The following ADCY9 variants were observed in gnomAD, a reference collection of about 807,000 sequenced individuals.
The protein encoded by ADCY9 is adenylate cyclase type 9.
In ADCY9, 50 loss-of-function variants were observed where a neutral mutation model predicts 101.5. That is an observed-to-expected ratio of 0.49 (90% CI 0.39 to 0.62). The LOEUF is 0.62. Ranked by LOEUF, ADCY9 falls within the 20% of genes least tolerant of loss-of-function variation. The pLI is 0.00. For synonymous variants in ADCY9, 905 were observed against 769.3 expected, an observed-to-expected ratio of 1.18 and a Z score of -2.92; for missense variants, 1,662 against 1,800.4, an observed-to-expected ratio of 0.92 and a Z score of 1.39.
downstream of ADCY9, among the ~76,000 whole-genome samples, chr16:3,958,124 C>A (rs1567408806): frequency 6.6e-6 from 1 of 152,162 alleles, no homozygotes; most frequent in Non-Finnish European, 1.5e-5. Flanking sequence ...GCAGCGGGGG[C>A]TCTGCGGGAG....
chr16:4,010,901 G>C (rs961773737), intron 2 of ADCY9, among the ~76,000 whole-genome samples: 1 of 151,984 alleles, frequency 6.6e-6, no homozygotes, highest in East Asian at 1.9e-4. Flanking sequence ...GGGCTCTCTC[G>C]CTTGCCCTCC....
rs370863551 is a variant in ADCY9 at position 3,965,979 on chromosome 16, C to T, written c.3858G>A (p.Gln1286=). ...DEIANLVPSV[Q]YVDKTSLGSD... ...AACCCAGAGATGTCTTGTCCACATA[C>T]TGGACAGAAGGCACCAGGTTGGCAA... The change falls in exon 11 of 11, where the codon CAG becomes CAA. Residue 1286 remains glutamine (Q), a synonymous_variant. Coordinates refer to ENST00000294016, the MANE Select transcript of ADCY9 (RefSeq NM_001116.4). 9.1e-5 allele frequency: 147 copies of T among 1,614,100 alleles called. No homozygotes were observed. The highest frequency in any genetic ancestry group is 3.3e-4 in the East Asian group (15 of 44,882).
chr16:4,076,649 TCGCTAGAAGATAGACG>T (rs1427940450), intron 2 of ADCY9, among the ~76,000 whole-genome samples: 1 of 135,004 alleles, frequency 7.4e-6, no homozygotes, highest in Non-Finnish European at 1.7e-5. Context: ...GCATCTGTGA[TCGCTAGAAGATAGACG>T]CACTGACAAA....
intron 2 of ADCY9, among the ~76,000 whole-genome samples, chr16:4,010,129 G>C (rs2141723605): frequency 6.6e-6 from 1 of 152,288 alleles, no homozygotes; most frequent in South Asian, 2.1e-4. Context: ...GTTGGCTCAG[G>C]GTGCCCCTGC....
intron 5 of ADCY9, among the ~76,000 whole-genome samples, chr16:3,989,381 G>GGT (rs1361666703): frequency 2.0e-5 from 3 of 147,872 alleles, no homozygotes; most frequent in African/African-American, 7.5e-5. Context: ...GTTTTTTGGG[G>GGT]TTTTTTTTTT....
intron 2 of ADCY9, among the ~76,000 whole-genome samples, chr16:4,056,789 T>C (rs1250658925): frequency 1.3e-5 from 2 of 152,158 alleles, no homozygotes; most frequent in African/African-American, 2.4e-5. Context: ...TAATTCGGCA[T>C]GACGATGGAG....
rs1567419574 is a variant in ADCY9, at chr16:3,979,142, T to A, written c.2653A>T (p.Thr885Ser). 6 of 1,613,778 alleles carry A rather than the reference T, an allele frequency of 3.7e-6. No individual in the cohort carries two copies. The highest frequency in any genetic ancestry group is 5.1e-6 in the Non-Finnish European group (6 of 1,179,964). Residue 885 changes from threonine (T) to serine (S), a missense_variant, in exon 8 of 11, where the codon ACC becomes TCC. Physicochemically the swap from Thr to Ser is moderately conservative, Grantham distance 58. Coordinates refer to ENST00000294016, the MANE Select transcript of ADCY9 (RefSeq NM_001116.4). Reference protein sequence around the residue: ...LPALAVYSHVTSEYETNIHFP... With the variant: ...LPALAVYSHVSSEYETNIHFP... ...TGTATGTTGGTCTCATATTCGGAGG[T>A]GACATGGGAGTAGACGGCCAGTGCG...
In ADCY9 at chr16:3,966,004, A is replaced by AT. The variant is rs764173075; in HGVS notation, c.3832dup (p.Ile1278AsnfsTer19). 6.2e-7 allele frequency: 1 copy of AT among 1,614,126 alleles called. No individual in the cohort carries two copies. Among genetic ancestry groups the AT allele is most frequent in the East Asian group, 2.2e-5 (1 of 44,862 alleles). ...CTGGACAGAAGGCACCAGGTTGGCAATCTCGTCTGTGGGAGACCGTCCGAT... is the reference window on the plus strand; with the variant it reads ...CTGGACAGAAGGCACCAGGTTGGCAATTCTCGTCTGTGGGAGACCGTCCGAT... On this transcript the variant is annotated frameshift_variant, in exon 11 of 11. Transcript: ENST00000294016. LOFTEE classifies it low-confidence loss of function (END_TRUNC).
chr16:4,100,747 A>AG (rs1185935134), intron 2 of ADCY9, among the ~76,000 whole-genome samples: 1 of 151,310 alleles, frequency 6.6e-6, no homozygotes, highest in East Asian at 1.9e-4. Flanking sequence ...TTGTCTCAAA[A>AG]AAAAAAAAAA....
chr16:4,000,600 C>G lies in ADCY9; in HGVS notation c.1884+6768G>C, dbSNP rs761530473. Among the ~76,000 whole-genome samples the G allele has an allele frequency of 3.9e-5, 6 of 152,144 alleles. No individual in the cohort carries two copies. The South Asian group carries it at 6.2e-4, about 16-fold the overall frequency. ...ACATCCCCAAAGCAGTAAGAACAGA[C>G]AGCAGATGGCCTGAGAATACTAGAC... On this transcript the variant is annotated intron_variant, in intron 3 of 10. Transcript: ENST00000294016.
intron 2 of ADCY9, among the ~76,000 whole-genome samples, chr16:4,031,772 G>T (rs973018610): frequency 6.6e-6 from 1 of 151,910 alleles, no homozygotes; most frequent in African/African-American, 2.4e-5. Flanking sequence ...AGTTCCTCAG[G>T]GGGCAGAGGT....
chr16:4,035,234 C>T (rs1311994746), intron 2 of ADCY9, among the ~76,000 whole-genome samples: 1 of 152,158 alleles, frequency 6.6e-6, no homozygotes, highest in Non-Finnish European at 1.5e-5. Flanking sequence ...CCTTTGCTAC[C>T]ACAACAGCCC....
intron 2 of ADCY9, among the ~76,000 whole-genome samples, chr16:4,067,452 C>T (rs1233313114): frequency 6.6e-6 from 1 of 152,158 alleles, no homozygotes; most frequent in African/African-American, 2.4e-5. Context: ...ATTAGACACA[C>T]CACAACTCCA....
intron 2 of ADCY9, among the ~76,000 whole-genome samples, chr16:4,107,182 G>A (rs1334994119): frequency 6.6e-6 from 1 of 152,200 alleles, no homozygotes; most frequent in Non-Finnish European, 1.5e-5. Context: ...GAGGGGAACT[G>A]TGTGCCTCAT....
At position 4,114,147 on chromosome 16, in the gene ADCY9, C is replaced by T. The variant is rs1243809079; in HGVS notation, c.1296G>A (p.Glu432=). Residue 432 remains glutamate (E), a synonymous_variant, in exon 2 of 11, where the codon GAG becomes GAA. Coordinates refer to ENST00000294016, the MANE Select transcript of ADCY9 (RefSeq NM_001116.4). The surrounding 1 kb of genome is among the most constrained non-coding windows in gnomAD (Gnocchi z 4.3). The stretch of plus-strand genomic sequence containing the variant: ...GGGTGCTGATTTTCTCACACTTGGT[C>T]TCCTCACACAGGCGGTCGAAGCGAC... The part of the protein sequence containing the change: ...LFGRFDRLCE[E]TKCEKISTLG... The T allele has an allele frequency of 6.2e-7, 1 of 1,613,888 alleles. No individual in the cohort carries two copies. The highest frequency in any genetic ancestry group is 1.7e-5 in the Admixed American group (1 of 60,026).
chr16:3,979,649 C>T (rs1010699271), intron 7 of ADCY9, among the ~76,000 whole-genome samples: 2 of 152,232 alleles, frequency 1.3e-5, no homozygotes, highest in African/African-American at 2.4e-5. Flanking sequence ...GAGGTCTTGA[C>T]GGGGGCAGCT....
At chr16:4,113,493 T>C (rs2057126835) in intron 2 of ADCY9, among the ~76,000 whole-genome samples, 2 of 152,332 alleles carry the variant, frequency 1.3e-5, no homozygotes, top group South Asian at 2.1e-4. Context: ...CCAGTGGTTA[T>C]GCACGTTCAA....
At chr16:3,990,240 C>T (rs940316951) in intron 5 of ADCY9, among the ~76,000 whole-genome samples, 6 of 152,070 alleles carry the variant, frequency 3.9e-5, no homozygotes, top group African/African-American at 9.7e-5. Flanking sequence ...CCGAGGCAAG[C>T]GGATCACCTG....
intron 2 of ADCY9, among the ~76,000 whole-genome samples, chr16:4,056,931 T>C (rs571659504): frequency 1.6e-3 from 238 of 151,638 alleles, no homozygotes; most frequent in Non-Finnish European, 2.8e-3. Flanking sequence ...GAGTGCAAAT[T>C]GCTAAAGCTC....
Sources: allele counts gnomAD v4.1 joint callset (sites outside exome capture counted in the v4.1 genomes callset), GRCh38; gene constraint gnomAD v4.1.1; non-coding constraint Gnocchi (gnomAD v3.1); transcripts MANE v1.5; gene names NCBI Gene and HGNC (gene_info 2026-07-23, HGNC 2026-07-21).